Variants in NCOR2 observed in about 807,000 individuals in gnomAD.
NCOR2 encodes CTG repeat protein 26.
In NCOR2, 81 loss-of-function variants were observed where a neutral mutation model predicts 262.9. The observed-to-expected ratio is 0.31, with a 90% CI of 0.26 to 0.37. NCOR2 has a LOEUF of 0.37. Among genes scored for constraint, NCOR2 ranks in the 10% least tolerant of loss-of-function variants. The probability of loss-of-function intolerance (pLI) is 1.00; values close to 1 mark genes in which losing one functional copy is unlikely to be tolerated. For synonymous variants in NCOR2, 1,659 were observed against 1,559.3 expected, an observed-to-expected ratio of 1.06 and a Z score of -1.51; for missense variants, 3,385 against 3,621.4, an observed-to-expected ratio of 0.93 and a Z score of 1.68.
At chr12:124,330,992 T>C (rs2035138988) in intron 43 of NCOR2, 94 bp from the exon 46 acceptor site, 2 of 1,329,136 alleles carry the variant, frequency 1.5e-6, no homozygotes, top group Non-Finnish European at 2.1e-6. Flanking sequence ...TGTGCTGGCA[T>C]CACCTGGGGA....
At chr12:124,494,246 C>T (rs962502471) in intron 1 of NCOR2, among the ~76,000 whole-genome samples, 2 of 152,178 alleles carry the variant, frequency 1.3e-5, no homozygotes, top group East Asian at 1.9e-4. Flanking sequence ...CACACACGCA[C>T]CCCCACGGTG....
intron 1 of NCOR2, among the ~76,000 whole-genome samples, chr12:124,494,227 ACACACACG>A (rs981236638): frequency 2.0e-5 from 3 of 151,866 alleles, no homozygotes; most frequent in Non-Finnish European, 2.9e-5. Flanking sequence ...ACAGACACAC[ACACACACG>A]CACACACGCA....
chr12:124,335,203 G>A, exon 40 of NCOR2: 1 of 1,611,114 alleles, frequency 6.2e-7, no homozygotes, highest in Non-Finnish European at 8.5e-7. Context: ...TGGAGCAGCG[G>A]GCTGGACGAG....
At chr12:124,552,929 C>T (rs2051759642) in intron 1 of NCOR2, among the ~76,000 whole-genome samples, 2 of 152,206 alleles carry the variant, frequency 1.3e-5, no homozygotes, top group Admixed American at 1.3e-4. Flanking sequence ...AAGCGATCCT[C>T]CCACCTCAGC....
At chr12:124,533,026 T>C in intron 1 of NCOR2, among the ~76,000 whole-genome samples, 1 of 71,348 alleles carries the variant, frequency 1.4e-5, no homozygotes, top group Admixed American at 1.6e-4. Context: ...CTTCCCCTCC[T>C]CCCTCCAAAT....
intron 1 of NCOR2, among the ~76,000 whole-genome samples, chr12:124,494,807 C>T (rs763688799): frequency 1.3e-5 from 2 of 152,160 alleles, no homozygotes; most frequent in Non-Finnish European, 2.9e-5. Context: ...ACTGCGGCAG[C>T]GGGGGAGCAG....
upstream of NCOR2, among the ~76,000 whole-genome samples, chr12:124,537,132 C>CA (rs1026772895): frequency 2.0e-5 from 3 of 151,938 alleles, no homozygotes; most frequent in African/African-American, 4.8e-5. Context: ...TCAAATACAA[C>CA]AAAAAAAATG....
Position 124,337,198 on chromosome 12 carries a change from G to A in NCOR2, c.5688-18C>T. Reference sequence around the variant, plus strand: ...AGGTGGACCTGGGGGAGGAGAGAAGGCGGTCAGGCAGTCATGGGAGCTGCC... The same window carrying A: ...AGGTGGACCTGGGGGAGGAGAGAAGACGGTCAGGCAGTCATGGGAGCTGCC... On this transcript the variant is annotated intron_variant, in intron 37 of 46. Transcript: ENST00000405201. 1 of 1,546,476 alleles carries A rather than the reference G, an allele frequency of 6.5e-7. No individual in the cohort carries two copies. The highest frequency in any genetic ancestry group is 8.7e-7 in the Non-Finnish European group (1 of 1,143,508).
intron 4 of NCOR2, among the ~76,000 whole-genome samples, chr12:124,470,979 G>A (rs550429047): frequency 1.1e-4 from 16 of 152,340 alleles, no homozygotes; most frequent in East Asian, 1.9e-4. Flanking sequence ...GAAGCCTAAC[G>A]GTGCGGTACC....
chr12:124,383,488 C>A, intron 17 of NCOR2: 3 of 930,208 alleles, frequency 3.2e-6, no homozygotes, highest in Non-Finnish European at 4.1e-6. Context: ...TGGCCCAGTG[C>A]TCATACCTCC....
intron 1 of NCOR2, among the ~76,000 whole-genome samples, chr12:124,564,797 G>T (rs949770897): frequency 6.6e-6 from 1 of 152,170 alleles, no homozygotes. Context: ...CAGCCAGGGG[G>T]AAACGGGGCC....
chr12:124,390,881 G>A (rs1041506981), intron 16 of NCOR2, among the ~76,000 whole-genome samples: 2 of 152,272 alleles, frequency 1.3e-5, no homozygotes, highest in African/African-American at 4.8e-5. Flanking sequence ...AATTGACCAA[G>A]ACAGGAAGTC....
intron 15 of NCOR2, among the ~76,000 whole-genome samples, chr12:124,398,633 G>A (rs928185010): frequency 6.6e-6 from 1 of 152,198 alleles, no homozygotes; most frequent in African/African-American, 2.4e-5. Context: ...GGACCCTCTC[G>A]GAGCCCAGCT....
At chr12:124,386,591 C>A (rs968412387) in intron 16 of NCOR2, among the ~76,000 whole-genome samples, 1 of 152,228 alleles carries the variant, frequency 6.6e-6, no homozygotes, top group Non-Finnish European at 1.5e-5. Flanking sequence ...GAGGTTCTCT[C>A]AGCCTCACAG....
Position 124,354,109 on chromosome 12 carries a change from C to T in NCOR2, c.3677G>A (p.Arg1226His), listed in dbSNP as rs184942554. The T allele has an allele frequency of 1.5e-4, 248 of 1,610,082 alleles. No individual in the cohort carries two copies. In the East Asian group the frequency reaches 3.4e-3, roughly 22 times the overall value. The change falls in exon 27 of 47, where the codon CGC becomes CAC. Residue 1226 changes from arginine (R) to histidine (H), a missense_variant. Around this residue, in one of 5 missense-constraint regions of NCOR2, gnomAD observed 1,615 missense variants for 1,626.9 expected, o/e 0.99. Coordinates refer to ENST00000405201, the Ensembl canonical transcript of NCOR2. ...GACACCTACGTGGGTGATGGAGCCGCGGTATGTGATGGCGCTGTCCGAGGG... is the reference window on the plus strand; with the variant it reads ...GACACCTACGTGGGTGATGGAGCCGTGGTATGTGATGGCGCTGTCCGAGGG...
chr12:124,429,737 G>C (rs1424528845), intron 9 of NCOR2, 31 bp from the exon 12 acceptor site: 1 of 1,564,062 alleles, frequency 6.4e-7, no homozygotes, highest in Non-Finnish European at 8.7e-7. Flanking sequence ...CTCAGGACCG[G>C]TCTTCTGGTG....
At chr12:124,381,590 G>A (rs2040413444) in intron 17 of NCOR2, among the ~76,000 whole-genome samples, 1 of 152,252 alleles carries the variant, frequency 6.6e-6, no homozygotes, top group Non-Finnish European at 1.5e-5. Context: ...CTGATAGACA[G>A]TGACAATGGC....
intron 16 of NCOR2, among the ~76,000 whole-genome samples, chr12:124,396,920 G>A (rs77798887): frequency 1.1e-3 from 164 of 152,318 alleles, no homozygotes; most frequent in Non-Finnish European, 1.9e-3. Context: ...TCACGACCTG[G>A]AGCTTTCTGC....
intron 1 of NCOR2, among the ~76,000 whole-genome samples, chr12:124,564,455 A>G (rs1004489443): frequency 1.3e-5 from 2 of 152,124 alleles, no homozygotes; most frequent in Admixed American, 1.3e-4. Context: ...TTAGCGTTTG[A>G]GATGTGAAGA....
Sources: gnomAD v4.1 joint callset for allele counts (sites outside exome capture counted in the v4.1 genomes callset) on GRCh38, gnomAD v4.1.1 for gene constraint, gnomAD v4.1.1 regional missense constraint, MANE v1.5 for transcripts, NCBI Gene and HGNC (gene_info 2026-07-23, HGNC 2026-07-21) for gene names.